Variants in SV2C observed in about 807,000 individuals in gnomAD.
SV2C encodes the protein solute carrier family 22 member B3.
Under a neutral mutation model 79.7 loss-of-function variants are expected in SV2C, and 49 were observed. The observed-to-expected ratio is 0.61, with a 90% CI of 0.49 to 0.78. The LOEUF is 0.78. Among genes scored for constraint, SV2C ranks in the 30% least tolerant of loss-of-function variants. SV2C has a pLI of 0.00. For missense variants in SV2C, 833 were observed against 912.9 expected (o/e 0.91, Z 1.13); for synonymous variants, 334 against 333.2 (o/e 1.00, Z -0.03).
At chr5:75,920,663 C>T in the SV2C span, 1 of 672,672 alleles carries the variant, frequency 1.5e-6, no homozygotes, top group Non-Finnish European at 2.7e-6. Flanking sequence ...GGAGGAACTG[C>T]CCTCACTCCT....
At chr5:76,076,791 A>T in the SV2C span, among the ~76,000 whole-genome samples, 2 of 152,222 alleles carry the variant, frequency 1.3e-5, no homozygotes, top group Non-Finnish European at 2.9e-5. Context: ...CAACATTTTC[A>T]GCAGTCCCCT....
chr5:75,981,806 A>G, the SV2C span, among the ~76,000 whole-genome samples: 1 of 152,138 alleles, frequency 6.6e-6, no homozygotes, highest in African/African-American at 2.4e-5. Context: ...ACATAGGCAC[A>G]GGCAAAGATT....
chr5:76,099,784 C>G (rs186795940), intron 1 of SV2C, among the ~76,000 whole-genome samples: 95 of 152,284 alleles, frequency 6.2e-4, no homozygotes, highest in African/African-American at 2.1e-3. Context: ...TCTGATCATA[C>G]CAGGTTTTCC....
intron 2 of SV2C, among the ~76,000 whole-genome samples, chr5:76,133,562 T>C (rs1658997164): frequency 6.6e-6 from 1 of 152,214 alleles, no homozygotes; most frequent in South Asian, 2.1e-4. Context: ...ACTCCTAGTA[T>C]TTGTTTCTTT....
At chr5:76,100,973 G>A (rs1747723231) in intron 1 of SV2C, among the ~76,000 whole-genome samples, 1 of 152,232 alleles carries the variant, frequency 6.6e-6, no homozygotes, top group South Asian at 2.1e-4. Context: ...GGGTTGGGGG[G>A]AGTGCAGAAT....
intron 3 of SV2C, among the ~76,000 whole-genome samples, chr5:76,205,738 T>C (rs1276850942): frequency 2.6e-5 from 4 of 151,992 alleles, no homozygotes; most frequent in Admixed American, 2.6e-4. Flanking sequence ...ATAAAACCAA[T>C]TATATTTTCC....
At chr5:75,853,725 T>G in the SV2C span, among the ~76,000 whole-genome samples, 1 of 150,922 alleles carries the variant, frequency 6.6e-6, no homozygotes, top group East Asian at 1.9e-4. Context: ...ATCGATCAAG[T>G]AGCTGAAAAT....
chr5:75,995,541 C>T, the SV2C span, among the ~76,000 whole-genome samples: 3 of 152,060 alleles, frequency 2.0e-5, no homozygotes, highest in Non-Finnish European at 4.4e-5. Flanking sequence ...GTTAGAAATG[C>T]TATCAAATAA....
the SV2C span, among the ~76,000 whole-genome samples, chr5:75,952,198 T>A: frequency 3.9e-5 from 6 of 151,956 alleles, no homozygotes; most frequent in Non-Finnish European, 5.9e-5. Context: ...CATTGCTGAA[T>A]TGAAATAACT....
chr5:76,276,610 G>A (rs1313635736), intron 4 of SV2C, among the ~76,000 whole-genome samples: 1 of 151,470 alleles, frequency 6.6e-6, no homozygotes, highest in Non-Finnish European at 1.5e-5. Context: ...TTACAGGCAT[G>A]AGCTACAGTA....
chr5:75,926,692 G>A, the SV2C span, among the ~76,000 whole-genome samples: 4 of 152,292 alleles, frequency 2.6e-5, no homozygotes, highest in Middle Eastern at 3.4e-3. Context: ...ACAGGCTGAT[G>A]GGGGCCAGAC....
In SV2C at chr5:76,130,145, TAAAAAAAAAAAAAA is replaced by T. The variant is rs375351450; in HGVS notation, c.-101-1483_-101-1470del. 2.9e-3 allele frequency among the ~76,000 whole-genome samples: 194 copies of T among 67,842 alleles called. 5 individuals are homozygous for T. Among genetic ancestry groups the T allele is most frequent in the African/African-American group, 0.016 (181 of 11,454 alleles). 44.5% of individuals were successfully genotyped at this position (67,842 alleles called of 152,430 possible). ...CTCCCTTTCTCTTCCTCTCAGTTCTTAAAAAAAAAAAAAAAAAAAAAAAAAAAAAAAAAAAGAGC... is the reference window on the plus strand; with the variant it reads ...CTCCCTTTCTCTTCCTCTCAGTTCTTAAAAAAAAAAAAAAAAAAAAAGAGC... On this transcript the variant is annotated intron_variant, in intron 1 of 12. Transcript: ENST00000502798.
At chr5:76,313,208 G>T (rs902241213) in intron 12 of SV2C, among the ~76,000 whole-genome samples, 1 of 152,114 alleles carries the variant, frequency 6.6e-6, no homozygotes, top group Non-Finnish European at 1.5e-5. Flanking sequence ...TACATTCTAC[G>T]TCTAATATAA....
At chr5:76,094,939 A>G (rs1004460462) in intron 1 of SV2C, among the ~76,000 whole-genome samples, 1 of 152,014 alleles carries the variant, frequency 6.6e-6, no homozygotes, top group African/African-American at 2.4e-5. Context: ...AAAGAGTTTT[A>G]AATTTTAATA....
At position 76,175,796 on chromosome 5, in the gene SV2C, C is replaced by G. The variant is rs542911991; in HGVS notation, c.581-19123C>G. Among the ~76,000 whole-genome samples, 5 of 152,258 alleles carry G rather than the reference C, an allele frequency of 3.3e-5. No homozygotes were observed. The South Asian group carries it at 1.0e-3, about 32-fold the overall frequency. On this transcript the variant is annotated intron_variant, in intron 2 of 12. Coordinates refer to ENST00000502798, the MANE Select transcript of SV2C (RefSeq NM_014979.4). ...ACCCAAGGGTTTAACAAGTCAGAGT[C>G]TGTTTGGGAAAGCCAGCGTGTGTGT...
the SV2C span, among the ~76,000 whole-genome samples, chr5:75,873,144 A>G: frequency 1.0e-3 from 155 of 152,292 alleles, 1 homozygote; most frequent in African/African-American, 3.5e-3. Context: ...TTGGTAATCT[A>G]TGTAGTAAAG....
chr5:76,077,467 AAACAT>A, the SV2C span, among the ~76,000 whole-genome samples: 1 of 152,234 alleles, frequency 6.6e-6, no homozygotes, highest in Admixed American at 6.5e-5. Flanking sequence ...TAATTTTTAA[AAACAT>A]AAAATAAGAG....
intron 1 of SV2C, among the ~76,000 whole-genome samples, chr5:76,090,192 G>A (rs1265057495): frequency 6.6e-6 from 1 of 152,172 alleles, no homozygotes; most frequent in East Asian, 1.9e-4. Context: ...TGGGTCTTTA[G>A]CCTTAACAGT....
intron 4 of SV2C, among the ~76,000 whole-genome samples, chr5:76,241,829 T>C (rs993980327): frequency 3.3e-5 from 5 of 152,168 alleles, no homozygotes; most frequent in African/African-American, 1.2e-4. Context: ...AATCCAGCTT[T>C]GGAGACATTC....
Sources: gnomAD v4.1 joint callset for allele counts (sites outside exome capture counted in the v4.1 genomes callset) on GRCh38, gnomAD v4.1.1 for gene constraint, MANE v1.5 for transcripts, NCBI Gene and HGNC (gene_info 2026-07-23, HGNC 2026-07-21) for gene names.